The following MALRD1 variants were observed in gnomAD, a reference collection of about 807,000 sequenced individuals.
The protein encoded by MALRD1 is MAM and LDL-receptor class A domain-containing protein 1.
A neutral mutation model predicts 242.1 loss-of-function variants in MALRD1; 247 were observed. That is an observed-to-expected ratio of 1.02 (90% CI 0.92 to 1.13). The LOEUF is 1.13. Ranked by LOEUF, MALRD1 falls within the 50% of genes most tolerant of loss-of-function variation. MALRD1 has a pLI of 0.00. For missense variants in MALRD1, 2,989 were observed against 2,533.1 expected (o/e 1.18, Z -3.86); for synonymous variants, 995 against 866.6 (o/e 1.15, Z -2.60).
chr10:19,124,547 T>G lies in MALRD1; in HGVS notation c.820T>G (p.Phe274Val). The G allele has an allele frequency of 8.1e-7, 1 of 1,233,810 alleles. No homozygotes were observed. The highest frequency in any genetic ancestry group is 1.5e-5 in the African/African-American group (1 of 64,572). The allele number at this position is 1,233,810 out of a possible 1,614,324, so 76.4% of individuals were successfully genotyped here. Residue 274 changes from phenylalanine (F) to valine (V), a missense_variant, in exon 7 of 40, where the codon TTT becomes GTT. Phe to Val is a conservative substitution (Grantham distance 50). Coordinates refer to ENST00000454679, the MANE Select transcript of MALRD1 (RefSeq NM_001142308.3). The part of the protein sequence containing the change: ...LRLCQACGFE[F>V]DMCEWTSEAS... Reference sequence around the variant, plus strand: ...AGTGTGTCAGGCCTGTGGGTTTGAATTTGACATGTGTGAGTGGACGTCAGA... The same window carrying G: ...AGTGTGTCAGGCCTGTGGGTTTGAAGTTGACATGTGTGAGTGGACGTCAGA...
intron 14 of MALRD1, among the ~76,000 whole-genome samples, chr10:19,191,155 A>G (rs1405660917): frequency 1.3e-5 from 2 of 152,342 alleles, no homozygotes; most frequent in East Asian, 1.9e-4. Flanking sequence ...TTTAATGGAC[A>G]TTTCTCCAAA....
chr10:19,299,586 TGTGA>T (rs1841853858), intron 21 of MALRD1, among the ~76,000 whole-genome samples: 1 of 151,914 alleles, frequency 6.6e-6, no homozygotes, highest in Non-Finnish European at 1.5e-5. Flanking sequence ...ATAAATGTGA[TGTGA>T]TTCAGCATAT....
chr10:19,605,939 T>C (rs527775803), intron 34 of MALRD1, among the ~76,000 whole-genome samples: 90 of 152,266 alleles, frequency 5.9e-4, no homozygotes, highest in Non-Finnish European at 9.6e-4. Flanking sequence ...TCAATATTTT[T>C]TTTGTGAATT....
intron 32 of MALRD1, among the ~76,000 whole-genome samples, chr10:19,554,039 A>G (rs1835606356): frequency 6.6e-6 from 1 of 152,236 alleles, no homozygotes; most frequent in Admixed American, 6.5e-5. Flanking sequence ...CCCTGCTTTT[A>G]TAGCATTTAT....
At chr10:19,237,630 ATAATTATATATAAATTAT>A in intron 18 of MALRD1, among the ~76,000 whole-genome samples, 1 of 64,218 alleles carries the variant, frequency 1.6e-5, no homozygotes, top group Admixed American at 3.5e-4. Context: ...TTATATAATT[ATAATTATATATAAATTAT>A]TATAATTATA....
At chr10:19,179,876 G>T (rs1010907117) in intron 14 of MALRD1, among the ~76,000 whole-genome samples, 1 of 151,956 alleles carries the variant, frequency 6.6e-6, no homozygotes, top group Non-Finnish European at 1.5e-5. Flanking sequence ...ACCTTTAAGA[G>T]TCTCCTTTCA....
intron 18 of MALRD1, among the ~76,000 whole-genome samples, chr10:19,239,266 G>A (rs1182636839): frequency 6.6e-6 from 1 of 151,938 alleles, no homozygotes; most frequent in African/African-American, 2.4e-5. Flanking sequence ...CACCATATTG[G>A]TCAGGCTGTT....
At chr10:19,410,549 C>G (rs771333130) in intron 28 of MALRD1, among the ~76,000 whole-genome samples, 2 of 152,110 alleles carry the variant, frequency 1.3e-5, no homozygotes, top group Non-Finnish European at 2.9e-5. Context: ...TAAGTGTGAA[C>G]ATTGTGCACT....
chr10:19,447,743 C>G (rs1041197082), intron 28 of MALRD1, among the ~76,000 whole-genome samples: 1 of 13,744 alleles, frequency 7.3e-5, no homozygotes, highest in Non-Finnish European at 2.2e-4. Flanking sequence ...GATAGACCAC[C>G]CTTTCCTTTA....
chr10:19,469,979 C>T (rs1836415723), intron 29 of MALRD1, among the ~76,000 whole-genome samples: 1 of 151,926 alleles, frequency 6.6e-6, no homozygotes, highest in African/African-American at 2.4e-5. Flanking sequence ...TAAGGTCTAC[C>T]TTCTTAGCAA....
At chr10:19,388,623 T>C (rs991399869) in intron 27 of MALRD1, among the ~76,000 whole-genome samples, 1 of 152,180 alleles carries the variant, frequency 6.6e-6, no homozygotes, top group Admixed American at 6.5e-5. Flanking sequence ...CCTATAGAGA[T>C]GCCATGAAAA....
At chr10:19,245,899 C>A (rs1839021772) in intron 18 of MALRD1, among the ~76,000 whole-genome samples, 1 of 152,272 alleles carries the variant, frequency 6.6e-6, no homozygotes, top group South Asian at 2.1e-4. Flanking sequence ...TGTGACAATT[C>A]ATTCTAGCTT....
At chr10:19,612,268 A>C (rs1340545402) in intron 35 of MALRD1, among the ~76,000 whole-genome samples, 1 of 151,908 alleles carries the variant, frequency 6.6e-6, no homozygotes, top group Admixed American at 6.6e-5. Context: ...AGGAGAGCTT[A>C]TGTTTGTTCT....
intron 28 of MALRD1, among the ~76,000 whole-genome samples, chr10:19,405,775 C>T (rs1299334398): frequency 1.3e-5 from 2 of 152,162 alleles, no homozygotes; most frequent in African/African-American, 4.8e-5. Context: ...GCCACATGTT[C>T]TATTCTTCCA....
intron 5 of MALRD1, among the ~76,000 whole-genome samples, chr10:19,110,589 G>A (rs768085560): frequency 1.3e-5 from 2 of 152,142 alleles, no homozygotes; most frequent in South Asian, 4.1e-4. Flanking sequence ...TATCAATAGA[G>A]AATATATGGC....
At chr10:19,280,896 C>A (rs528474130) in intron 20 of MALRD1, among the ~76,000 whole-genome samples, 1 of 152,104 alleles carries the variant, frequency 6.6e-6, no homozygotes, top group Non-Finnish European at 1.5e-5. Context: ...AATATCTTTC[C>A]CTTCCCTGTT....
chr10:19,407,436 T>C (rs939017835), intron 28 of MALRD1, among the ~76,000 whole-genome samples: 3 of 151,972 alleles, frequency 2.0e-5, no homozygotes, highest in East Asian at 1.9e-4. Context: ...GAGCTGTGAT[T>C]GTGCCACTGC....
intron 36 of MALRD1, among the ~76,000 whole-genome samples, chr10:19,618,406 C>T (rs965683663): frequency 1.2e-4 from 19 of 152,030 alleles, no homozygotes; most frequent in Admixed American, 2.6e-4. Context: ...GAGGAATCAC[C>T]GCACTGCTTT....
At chr10:19,062,533 T>G (rs1262294256) in intron 1 of MALRD1, among the ~76,000 whole-genome samples, 2 of 152,182 alleles carry the variant, frequency 1.3e-5, no homozygotes, top group African/African-American at 4.8e-5. Flanking sequence ...CACTCAAGTG[T>G]CCATTGACAG....
Sources: allele counts gnomAD v4.1 joint callset (sites outside exome capture counted in the v4.1 genomes callset), GRCh38; gene constraint gnomAD v4.1.1; transcripts MANE v1.5; gene names NCBI Gene and HGNC (gene_info 2026-07-23, HGNC 2026-07-21).